DNMT3A: variants seen among roughly 807,000 people sequenced by gnomAD.
The protein encoded by DNMT3A is DNA (cytosine-5)-methyltransferase 3A.
A neutral mutation model predicts 117.6 loss-of-function variants in DNMT3A; 267 were observed. That is an observed-to-expected ratio of 2.27 (90% CI 2.05 to 2.51). The LOEUF (loss-of-function observed/expected upper bound fraction) is 2.51. DNMT3A is among the 30% of genes most tolerant of loss of function. The pLI is 0.00. For missense variants in DNMT3A, 1,029 were observed against 1,260.2 expected, an observed-to-expected ratio of 0.82 and a Z score of 2.78; for synonymous variants, 432 against 474.8, an observed-to-expected ratio of 0.91 and a Z score of 1.17.
At position 25,286,324 on chromosome 2, in the gene DNMT3A, G is replaced by T. The variant is rs2032308518; in HGVS notation, c.178-3613C>A. Among the ~76,000 whole-genome samples, 1 of 152,228 alleles carries T rather than the reference G, an allele frequency of 6.6e-6. No homozygotes were observed. Among genetic ancestry groups the T allele is most frequent in the Admixed American group, 6.5e-5 (1 of 15,282 alleles). On this transcript the variant is annotated intron_variant, in intron 3 of 22. Transcript: ENST00000321117. This position sits in a 1 kb window ranked among gnomAD's most constrained non-coding sequence, Gnocchi z 4.3. Reference sequence around the variant, plus strand: ...CCCAGTCTGCAACAGCACCAGATGCGCCATTCTCCCAGAGATGCCCCCAAA... The same window carrying T: ...CCCAGTCTGCAACAGCACCAGATGCTCCATTCTCCCAGAGATGCCCCCAAA...
intron 1 of DNMT3A, among the ~76,000 whole-genome samples, chr2:25,336,262 G>A (rs1354057836): frequency 2.0e-5 from 3 of 152,348 alleles, no homozygotes; most frequent in African/African-American, 7.2e-5. Context: ...GGGTCAGGCT[G>A]CAGAGACAGG....
Position 25,339,925 on chromosome 2 carries a change from C to A in DNMT3A, c.-178+1901G>T, listed in dbSNP as rs1357039238. ...GCAGCACCTGATCCCAGGATCCCTT[C>A]GTAGCCGCCCGCCCAGGAGGCGGGT... On this transcript the variant is annotated intron_variant, in intron 1 of 22. Coordinates refer to ENST00000321117, the MANE Select transcript of DNMT3A (RefSeq NM_022552.5). This position sits in a 1 kb window ranked among gnomAD's most constrained non-coding sequence, Gnocchi z 4.9. Among the ~76,000 whole-genome samples the A allele has an allele frequency of 1.0e-5, 1 of 98,262 alleles. No individual in the cohort carries two copies. The highest frequency in any genetic ancestry group is 2.0e-5 in the Non-Finnish European group (1 of 50,276). 64.5% of individuals were successfully genotyped at this position (98,262 alleles called of 152,430 possible). A position where few individuals can be genotyped will look rare whatever the true frequency, so the allele number is the denominator to read the frequency against.
At chr2:25,301,966 C>A (rs1245005563) in intron 2 of DNMT3A, among the ~76,000 whole-genome samples, 2 of 152,256 alleles carry the variant, frequency 1.3e-5, no homozygotes, top group Non-Finnish European at 2.9e-5. Flanking sequence ...GTGGGACACA[C>A]AAATGGAAAC....
intron 6 of DNMT3A, among the ~76,000 whole-genome samples, chr2:25,272,278 C>A (rs1211636358): frequency 6.6e-6 from 1 of 152,194 alleles, no homozygotes; most frequent in African/African-American, 2.4e-5. Flanking sequence ...TGAGCCACTG[C>A]GTCCAGCCCA....
At chr2:25,314,796 C>T in intron 1 of DNMT3A, 1 of 764,528 alleles carries the variant, frequency 1.3e-6, no homozygotes, top group East Asian at 1.3e-4. Flanking sequence ...AGTGAGGCTG[C>T]TCTCTCCCCC....
intron 6 of DNMT3A, among the ~76,000 whole-genome samples, chr2:25,250,159 C>G (rs993785347): frequency 6.6e-6 from 1 of 152,172 alleles, no homozygotes; most frequent in African/African-American, 2.4e-5. Flanking sequence ...CAGGACTCTC[C>G]CAAAGCCTGT....
rs978304043 is a variant in DNMT3A, at chr2:25,327,074, G to A, written c.-177-12913C>T. On this transcript the variant is annotated intron_variant, in intron 1 of 22. Transcript: ENST00000321117. This position sits in a 1 kb window ranked among gnomAD's most constrained non-coding sequence, Gnocchi z 4.1. ...ATCGCCACACCCTCTCCATCAAGGT[G>A]TGGATCTCAACCCTGCGGGGCCTCT... Among the ~76,000 whole-genome samples, 2 of 152,238 alleles carry A rather than the reference G, an allele frequency of 1.3e-5. No homozygotes were observed. Among genetic ancestry groups the A allele is most frequent in the African/African-American group, 4.8e-5 (2 of 41,452 alleles).
chr2:25,285,876 G>A (rs1024858520), intron 3 of DNMT3A, among the ~76,000 whole-genome samples: 10 of 152,192 alleles, frequency 6.6e-5, no homozygotes, highest in African/African-American at 2.4e-4. Context: ...GTGTACCCCT[G>A]CACTGCAGCC....
chr2:25,328,703 G>A, intron 1 of DNMT3A: 1 of 517,200 alleles, frequency 1.9e-6, no homozygotes, highest in Non-Finnish European at 4.0e-6. Context: ...GCGGTGCCTA[G>A]AGCGACCCCC....
Position 25,229,031 on chromosome 2 carries a change from C to T in DNMT3A, c.*5248G>A, listed in dbSNP as rs1474478346. On this transcript the variant is annotated 3_prime_UTR_variant, in exon 23 of 23. Coordinates refer to ENST00000321117, the MANE Select transcript of DNMT3A (RefSeq NM_022552.5). Reference sequence around the variant, plus strand: ...CAGCAAAGGGATCTTGTGTCCTTGTCCTCCCTGCTCCTTGCTTGTTTCTCC... The same window carrying T: ...CAGCAAAGGGATCTTGTGTCCTTGTTCTCCCTGCTCCTTGCTTGTTTCTCC... The T allele has an allele frequency of 6.6e-6, 1 of 152,266 alleles. No homozygotes were observed. Among genetic ancestry groups the T allele is most frequent in the Non-Finnish European group, 1.5e-5 (1 of 68,060 alleles). The allele number at this position is 152,266 out of a possible 1,614,324, so 9.4% of individuals were successfully genotyped here.
intron 1 of DNMT3A, chr2:25,328,724 A>G (rs778658250): frequency 3.9e-6 from 2 of 508,482 alleles, no homozygotes; most frequent in South Asian, 3.0e-5. Flanking sequence ...CACAATCCCC[A>G]TTCTAGGGGT....
chr2:25,240,451 C>T lies in DNMT3A; in HGVS notation c.2174-1G>A, dbSNP rs1262354256. ...TCAAAGAAGAGCCGGCCAGTGCCCTCTGAGAGGTCGGAAGAGAAAGCCATC... is the reference window on the plus strand; with the variant it reads ...TCAAAGAAGAGCCGGCCAGTGCCCTTTGAGAGGTCGGAAGAGAAAGCCATC... On this transcript the variant is annotated splice_acceptor_variant, in intron 18 of 22. Transcript: ENST00000321117. LOFTEE classifies it high-confidence loss of function. 2.5e-6 allele frequency: 4 copies of T among 1,603,276 alleles called. No individual in the cohort carries two copies. Among genetic ancestry groups the T allele is most frequent in the Non-Finnish European group, 3.4e-6 (4 of 1,174,820 alleles).
chr2:25,285,578 C>T (rs2032243993), intron 3 of DNMT3A, among the ~76,000 whole-genome samples: 1 of 152,192 alleles, frequency 6.6e-6, no homozygotes, highest in Non-Finnish European at 1.5e-5. Flanking sequence ...GGGGCTGCAA[C>T]GAGAGGAAGA....
rs1203141216 is a variant in DNMT3A, at chr2:25,248,057, C to T, written c.835G>A (p.Asp279Asn). ...AGDKNATKAG[D>N]DEPEYEDGRG... ...CTCACCTCGTACTCTGGCTCGTCAT[C>T]GCCTGCTTTGGTGGCATTCTTGTCC... Residue 279 changes from aspartate to asparagine, a missense_variant, in exon 7 of 23, where the codon GAT becomes AAT. Physicochemically the swap from Asp to Asn is conservative, Grantham distance 23. Transcript: ENST00000321117. 4.3e-6 allele frequency: 7 copies of T among 1,612,172 alleles called. No homozygotes were observed. The Admixed American group carries it at 6.7e-5, about 15-fold the overall frequency.
rs536862337 is a variant in DNMT3A, at chr2:25,233,276, G to C, written c.*1003C>G. ...CTCCCAAGTTCTCCTCCTTCACTTC[G>C]TTACAAACCAAGGGGAAGAGCCCAC... is the stretch of plus-strand genomic sequence containing the variant. On this transcript the variant is annotated 3_prime_UTR_variant, in exon 23 of 23. Transcript: ENST00000321117. The C allele has an allele frequency of 1.3e-5, 3 of 233,426 alleles. No individual in the cohort carries two copies. Among genetic ancestry groups the C allele is most frequent in the Admixed American group, 1.1e-4 (2 of 17,754 alleles). The allele number at this position is 233,426 out of a possible 1,614,324, so 14.5% of individuals were successfully genotyped here.
rs1471071143 is a variant in DNMT3A, at chr2:25,306,804, A to G, written c.73-6561T>C. Among the ~76,000 whole-genome samples, 1 of 152,238 alleles carries G rather than the reference A, an allele frequency of 6.6e-6. No individual in the cohort carries two copies. The highest frequency in any genetic ancestry group is 1.5e-5 in the Non-Finnish European group (1 of 68,038). Reference sequence around the variant, plus strand: ...GTGTACTGGATACAAAGATAAACAAATAGGAAACTCGGTTCAGAGGGAGAC... The same window carrying G: ...GTGTACTGGATACAAAGATAAACAAGTAGGAAACTCGGTTCAGAGGGAGAC... On this transcript the variant is annotated intron_variant, in intron 2 of 22. Transcript: ENST00000321117. The surrounding 1 kb of genome is among the most constrained non-coding windows in gnomAD (Gnocchi z 4.1).
rs577318843 is a variant in DNMT3A, at chr2:25,330,771, G to A, written c.-178+11055C>T. ...TGTCCCCCATGCCCTCTGCTCTCCC[G>A]GACAGCTCTGCACAGACCCTCCCTC... is the stretch of plus-strand genomic sequence containing the variant. On this transcript the variant is annotated intron_variant, in intron 1 of 22. Transcript: ENST00000321117. 5.3e-5 allele frequency among the ~76,000 whole-genome samples: 8 copies of A among 152,210 alleles called. No individual in the cohort carries two copies. In the East Asian group the frequency reaches 5.8e-4, roughly 11 times the overall value.
In DNMT3A at chr2:25,247,354, A is replaced by G; in HGVS notation, c.1015-196T>C. On this transcript the variant is annotated intron_variant, in intron 8 of 22. Transcript: ENST00000321117. This position sits in a 1 kb window ranked among gnomAD's most constrained non-coding sequence, Gnocchi z 5.6. ...AGGGAAGTACCTGAGTGCAGGTGGA[A>G]AGGAATTCTAGTGAATAGGTTCCTG... The G allele has an allele frequency of 1.3e-6, 1 of 787,456 alleles. No individual in the cohort carries two copies. The highest frequency in any genetic ancestry group is 2.0e-6 in the Non-Finnish European group (1 of 501,166). 48.8% of individuals were successfully genotyped at this position (787,456 alleles called of 1,614,324 possible).
chr2:25,251,488 C>G (rs1209316166), intron 6 of DNMT3A, among the ~76,000 whole-genome samples: 1 of 152,168 alleles, frequency 6.6e-6, no homozygotes, highest in Non-Finnish European at 1.5e-5. Context: ...CCGGGAACTC[C>G]GGTGACTACT....
Sources: allele counts gnomAD v4.1 joint callset (sites outside exome capture counted in the v4.1 genomes callset), GRCh38; gene constraint gnomAD v4.1.1; non-coding constraint Gnocchi (gnomAD v3.1); transcripts MANE v1.5; gene names NCBI Gene and HGNC (gene_info 2026-07-23, HGNC 2026-07-21).